CDH12: variants seen among roughly 807,000 people sequenced by gnomAD.
The protein encoded by CDH12 is cadherin-12.
CDH12 carries 41 observed loss-of-function variants against 74.1 expected under a neutral mutation model. The observed-to-expected ratio is 0.55, with a 90% CI of 0.43 to 0.72. The LOEUF is 0.72. Ranked by LOEUF, CDH12 falls within the 30% of genes least tolerant of loss-of-function variation. CDH12 has a pLI of 0.00. For synonymous variants in CDH12, 399 were observed against 355.0 expected (o/e 1.12, Z -1.39); for missense variants, 945 against 977.2 (o/e 0.97, Z 0.44).
intron 1 of CDH12, among the ~76,000 whole-genome samples, chr5:22,586,417 A>G (rs904412116): frequency 7.2e-5 from 11 of 151,854 alleles, no homozygotes; most frequent in African/African-American, 2.7e-4. Context: ...CAGCACACCA[A>G]CATGGCACAT....
chr5:22,495,657 T>G (rs1747077262), intron 2 of CDH12, among the ~76,000 whole-genome samples: 1 of 152,166 alleles, frequency 6.6e-6, no homozygotes, highest in Non-Finnish European at 1.5e-5. Flanking sequence ...ATTTAAGACA[T>G]TTCATTAAAT....
chr5:22,724,173 T>G (rs977235121), intron 1 of CDH12, among the ~76,000 whole-genome samples: 8 of 151,916 alleles, frequency 5.3e-5, no homozygotes, highest in African/African-American at 1.7e-4. Context: ...TACTTCACTT[T>G]TTCCCCTAAA....
chr5:22,716,340 G>A lies in CDH12; in HGVS notation c.-523+136718C>T, dbSNP rs370586399. 9.1e-4 allele frequency among the ~76,000 whole-genome samples: 138 copies of A among 152,108 alleles called. 6 individuals carry two copies. The South Asian group carries it at 0.027, about 30-fold the overall frequency. On this transcript the variant is annotated intron_variant, in intron 1 of 14. Transcript: ENST00000382254. Reference sequence around the variant, plus strand: ...TTTCCATTAACACTGAGGCACATACGATGGTGTGGTCCCATGAGATTATAA... The same window carrying A: ...TTTCCATTAACACTGAGGCACATACAATGGTGTGGTCCCATGAGATTATAA...
At chr5:21,965,546 C>A (rs968435062) in intron 6 of CDH12, among the ~76,000 whole-genome samples, 1 of 151,332 alleles carries the variant, frequency 6.6e-6, no homozygotes, top group African/African-American at 2.4e-5. Context: ...CAAATTGCAC[C>A]CTATTTTGAT....
At chr5:21,982,470 TAC>T (rs891700884) in intron 5 of CDH12, among the ~76,000 whole-genome samples, 12 of 151,818 alleles carry the variant, frequency 7.9e-5, no homozygotes, top group African/African-American at 2.9e-4. Flanking sequence ...GATATATATA[TAC>T]CTATATAGAG....
intron 6 of CDH12, among the ~76,000 whole-genome samples, chr5:21,867,879 T>TC (rs757549933): frequency 2.0e-5 from 3 of 152,158 alleles, no homozygotes; most frequent in Non-Finnish European, 4.4e-5. Flanking sequence ...TTTGGCTGTG[T>TC]CCCCACCCAA....
intron 4 of CDH12, among the ~76,000 whole-genome samples, chr5:22,153,771 A>G (rs1747777488): frequency 6.7e-6 from 1 of 148,450 alleles, no homozygotes; most frequent in Non-Finnish European, 1.5e-5. Context: ...CATTATTCAC[A>G]GGGGCCAAGA....
chr5:22,160,166 A>G (rs1748254643), intron 4 of CDH12, among the ~76,000 whole-genome samples: 1 of 152,242 alleles, frequency 6.6e-6, no homozygotes, highest in Non-Finnish European at 1.5e-5. Context: ...CATCTGACCC[A>G]TACAGTTGAG....
chr5:22,197,534 G>A (rs1179046390), intron 4 of CDH12, among the ~76,000 whole-genome samples: 2 of 152,242 alleles, frequency 1.3e-5, no homozygotes, highest in African/African-American at 4.8e-5. Context: ...TCAGTGAGAT[G>A]CTTTTAAAGA....
intron 1 of CDH12, among the ~76,000 whole-genome samples, chr5:22,570,413 A>C (rs1283393398): frequency 1.3e-5 from 2 of 152,172 alleles, no homozygotes; most frequent in African/African-American, 4.8e-5. Context: ...CATGTGCTAC[A>C]GAAAGGATGC....
At chr5:22,009,211 C>T (rs1737145994) in intron 5 of CDH12, among the ~76,000 whole-genome samples, 1 of 152,190 alleles carries the variant, frequency 6.6e-6, no homozygotes, top group Non-Finnish European at 1.5e-5. Context: ...TTCTTTCAGG[C>T]TTCCCAGCTA....
chr5:21,768,828 C>G (rs1421278259), intron 11 of CDH12, among the ~76,000 whole-genome samples: 2 of 151,966 alleles, frequency 1.3e-5, no homozygotes, highest in East Asian at 3.8e-4. Flanking sequence ...ATCACAAAAG[C>G]CAAAATCACT....
At chr5:22,040,314 T>C (rs936880738) in intron 5 of CDH12, among the ~76,000 whole-genome samples, 3 of 152,088 alleles carry the variant, frequency 2.0e-5, no homozygotes, top group African/African-American at 7.2e-5. Flanking sequence ...ACTTATGGGA[T>C]ACCATTAAAT....
At position 22,405,293 on chromosome 5, in the gene CDH12, G is replaced by A. The variant is rs1046588885; in HGVS notation, c.-369C>T. On this transcript the variant is annotated 5_prime_UTR_variant, in exon 3 of 15. Coordinates refer to ENST00000382254, the MANE Select transcript of CDH12 (RefSeq NM_004061.5). ...AATTTATTTTCTAAGGCCAGCTTAT[G>A]TATCTCAAATTGTTTTGACCTCCAC... 3.1e-5 allele frequency: 30 copies of A among 978,426 alleles called. No individual in the cohort carries two copies. Among genetic ancestry groups the A allele is most frequent in the Non-Finnish European group, 3.5e-5 (29 of 823,656 alleles). 60.6% of individuals were successfully genotyped at this position (978,426 alleles called of 1,614,324 possible).
intron 5 of CDH12, among the ~76,000 whole-genome samples, chr5:22,069,413 C>T (rs1211919608): frequency 1.3e-5 from 2 of 152,114 alleles, no homozygotes; most frequent in African/African-American, 4.8e-5. Context: ...ACTATTTCTT[C>T]CACAGCCAGG....
chr5:21,779,667 C>T (rs143268689), intron 11 of CDH12: 1 of 152,258 alleles, frequency 6.6e-6, no homozygotes, highest in Non-Finnish European at 1.5e-5. Flanking sequence ...ATAAAAGGGT[C>T]AGAGCCAAAA....
At chr5:22,845,293 G>T (rs1012920092) in intron 1 of CDH12, among the ~76,000 whole-genome samples, 1 of 151,976 alleles carries the variant, frequency 6.6e-6, no homozygotes, top group Admixed American at 6.6e-5. Context: ...ACATTTATAG[G>T]CCAAGGTAAA....
At chr5:22,771,916 A>C (rs1378635333) in intron 1 of CDH12, among the ~76,000 whole-genome samples, 2 of 152,048 alleles carry the variant, frequency 1.3e-5, no homozygotes, top group African/African-American at 4.8e-5. Flanking sequence ...TGTATATGAT[A>C]TATATAAACA....
chr5:22,318,793 G>T (rs985285776), intron 3 of CDH12, among the ~76,000 whole-genome samples: 1 of 152,074 alleles, frequency 6.6e-6, no homozygotes, highest in Non-Finnish European at 1.5e-5. Context: ...GAACATATTT[G>T]TCAAATGTTG....
Sources: gnomAD v4.1 joint callset for allele counts (sites outside exome capture counted in the v4.1 genomes callset) on GRCh38, gnomAD v4.1.1 for gene constraint, MANE v1.5 for transcripts, NCBI Gene and HGNC (gene_info 2026-07-23, HGNC 2026-07-21) for gene names.